Variants in ATL2 observed in about 807,000 individuals in gnomAD.
The protein encoded by ATL2 is atlastin GTPase 2.
Under a neutral mutation model 73.9 loss-of-function variants are expected in ATL2, and 31 were observed. That is an observed-to-expected ratio of 0.42 (90% CI 0.32 to 0.57). The LOEUF (loss-of-function observed/expected upper bound fraction) is 0.57, where lower values mean the gene tolerates loss of function less well. Among genes scored for constraint, ATL2 ranks in the 20% least tolerant of loss-of-function variants. The pLI is 0.14. For synonymous variants in ATL2, 291 were observed against 237.5 expected (o/e 1.23, Z -2.07); for missense variants, 738 against 702.6 (o/e 1.05, Z -0.57).
intron 9 of ATL2, among the ~76,000 whole-genome samples, chr2:38,302,051 A>G (rs1389982941): frequency 6.6e-6 from 1 of 152,186 alleles, no homozygotes; most frequent in Non-Finnish European, 1.5e-5. Flanking sequence ...TTCAGTCCCC[A>G]GTTCCCAGAC....
chr2:38,333,822 T>A (rs1360405476), intron 2 of ATL2, among the ~76,000 whole-genome samples: 1 of 152,172 alleles, frequency 6.6e-6, no homozygotes, highest in Non-Finnish European at 1.5e-5. Context: ...TCAAACAATA[T>A]TGTAAACACT....
intron 2 of ATL2, among the ~76,000 whole-genome samples, chr2:38,341,224 A>C (rs1484987789): frequency 1.3e-5 from 2 of 152,248 alleles, no homozygotes; most frequent in Non-Finnish European, 2.9e-5. Context: ...TTAAGGACTT[A>C]AGAGGACCTC....
intron 1 of ATL2, chr2:38,359,536 T>C (rs1051545721): frequency 6.6e-6 from 1 of 152,024 alleles, no homozygotes; most frequent in Non-Finnish European, 1.5e-5. Flanking sequence ...CCTTCCTTCA[T>C]TACTATTAAA....
intron 9 of ATL2, among the ~76,000 whole-genome samples, chr2:38,307,664 C>T (rs28806257): frequency 0.038 from 5,774 of 152,028 alleles, 152 homozygotes; most frequent in African/African-American, 0.07. Context: ...AAAGTGAAGA[C>T]GCAACCCACA....
intron 1 of ATL2, among the ~76,000 whole-genome samples, chr2:38,343,770 G>A (rs771736838): frequency 2.6e-5 from 4 of 152,114 alleles, no homozygotes; most frequent in African/African-American, 7.2e-5. Context: ...TCCACATGTT[G>A]TGGGAAGGAC....
intron 2 of ATL2, among the ~76,000 whole-genome samples, chr2:38,323,513 A>C (rs973581410): frequency 6.6e-6 from 1 of 151,934 alleles, no homozygotes; most frequent in Non-Finnish European, 1.5e-5. Flanking sequence ...CTGAAGTTTA[A>C]GTATAATCAA....
At chr2:38,312,253 G>C (rs1245155750) in intron 7 of ATL2, among the ~76,000 whole-genome samples, 6 of 152,264 alleles carry the variant, frequency 3.9e-5, no homozygotes, top group Middle Eastern at 3.4e-3. Flanking sequence ...ATCTCAAATT[G>C]TAATGCCCAT....
At chr2:38,377,339 G>T (rs1276293359), upstream of ATL2, 1 of 1,316,060 alleles carries the variant, frequency 7.6e-7, no homozygotes, top group Admixed American at 2.5e-5. Context: ...AGCCGGCGGG[G>T]TGGCCGGCGG....
intron 1 of ATL2, among the ~76,000 whole-genome samples, chr2:38,351,828 T>C (rs992142649): frequency 2.5e-4 from 37 of 149,660 alleles, no homozygotes; most frequent in Non-Finnish European, 5.2e-4. Context: ...CAGCATAAAA[T>C]TGGCCGGGTG....
At position 38,298,346 on chromosome 2, in the gene ATL2, G is replaced by A; in HGVS notation, c.1430C>T (p.Thr477Ile). The A allele has an allele frequency of 6.2e-7, 1 of 1,614,210 alleles. No homozygotes were observed. The change falls in exon 12 of 13, where the codon ACA becomes ATA. Residue 477 changes from threonine (T) to isoleucine (I), a missense_variant. Coordinates refer to ENST00000378954, the MANE Select transcript of ATL2 (RefSeq NM_001135673.4). ...NIFYAARTPATLFAVMFAMYI... is the reference protein window; with the variant it reads ...NIFYAARTPAILFAVMFAMYI... Reference sequence around the variant, plus strand: ...CATAGCAAACATGACCGCAAACAGTGTGGCTGGGGTACGAGCAGCATAGAA... The same window carrying A: ...CATAGCAAACATGACCGCAAACAGTATGGCTGGGGTACGAGCAGCATAGAA...
chr2:38,373,837 T>G (rs72907882), intron 1 of ATL2, among the ~76,000 whole-genome samples: 9,969 of 152,270 alleles, frequency 0.065, 1,089 homozygotes, highest in African/African-American at 0.22. Flanking sequence ...TTCTATAATA[T>G]CTACCAAGTA....
chr2:38,343,254 A>G lies in ATL2; in HGVS notation c.363+14T>C. Reference sequence around the variant, plus strand: ...TTTTCTTTTTAATTGGGTTCAATTTAAAAGACTATTCACCTTGTTATACAT... The same window carrying G: ...TTTTCTTTTTAATTGGGTTCAATTTGAAAGACTATTCACCTTGTTATACAT... On this transcript the variant is annotated intron_variant, in intron 2 of 12. Coordinates refer to ENST00000378954, the MANE Select transcript of ATL2 (RefSeq NM_001135673.4). 1 of 1,565,382 alleles carries G rather than the reference A, an allele frequency of 6.4e-7. No individual in the cohort carries two copies. The highest frequency in any genetic ancestry group is 8.6e-7 in the Non-Finnish European group (1 of 1,164,042).
chr2:38,303,190 A>G (rs1462553394), intron 9 of ATL2, among the ~76,000 whole-genome samples: 3 of 152,154 alleles, frequency 2.0e-5, no homozygotes, highest in African/African-American at 7.2e-5. Context: ...ATACTGAAGA[A>G]TGCATCCAAA....
At chr2:38,335,096 A>G (rs1356858361) in intron 2 of ATL2, among the ~76,000 whole-genome samples, 1 of 151,348 alleles carries the variant, frequency 6.6e-6, no homozygotes, top group Non-Finnish European at 1.5e-5. Flanking sequence ...GATTGACAAT[A>G]CAGTTCACAA....
intron 1 of ATL2, among the ~76,000 whole-genome samples, chr2:38,367,522 C>G (rs1671399766): frequency 7.9e-6 from 1 of 126,498 alleles, no homozygotes; most frequent in South Asian, 3.0e-4. Flanking sequence ...AGGAGAATAC[C>G]ATGAACCCGG....
At chr2:38,296,629 G>A (rs1165327386) in intron 12 of ATL2, 1 of 1,607,224 alleles carries the variant, frequency 6.2e-7, no homozygotes, top group African/African-American at 1.3e-5. Flanking sequence ...ATGAATCAGA[G>A]TGCCTCGAAG....
At chr2:38,334,244 G>A (rs374547211) in intron 2 of ATL2, among the ~76,000 whole-genome samples, 3 of 151,574 alleles carry the variant, frequency 2.0e-5, no homozygotes, top group East Asian at 2.0e-4. Context: ...TGGCCAGGCC[G>A]GTCTTGAACT....
chr2:38,357,052 G>A (rs1311104474), intron 1 of ATL2, among the ~76,000 whole-genome samples: 4 of 152,090 alleles, frequency 2.6e-5, no homozygotes, highest in Non-Finnish European at 5.9e-5. Flanking sequence ...TTAGCCGGCT[G>A]GGTGCGGTGG....
chr2:38,360,915 T>C (rs1240654549), intron 1 of ATL2, among the ~76,000 whole-genome samples: 1 of 149,052 alleles, frequency 6.7e-6, no homozygotes, highest in African/African-American at 2.6e-5. Context: ...TTCACCAAAG[T>C]ATTGTTGGTA....
Sources: allele counts gnomAD v4.1 joint callset (sites outside exome capture counted in the v4.1 genomes callset), GRCh38; gene constraint gnomAD v4.1.1; transcripts MANE v1.5; gene names NCBI Gene and HGNC (gene_info 2026-07-23, HGNC 2026-07-21).